The following ZEB2 variants were observed in gnomAD, a reference collection of about 807,000 sequenced individuals.
ZEB2 encodes the protein zinc finger E-box-binding homeobox 2.
ZEB2 carries 6 observed loss-of-function variants against 99.9 expected under a neutral mutation model. The observed-to-expected ratio is 0.06, with a 90% confidence interval of 0.03 to 0.12. The LOEUF (loss-of-function observed/expected upper bound fraction) is 0.12. ZEB2 is among the 10% of genes least tolerant of loss of function. The probability of loss-of-function intolerance (pLI) is 1.00; values close to 1 mark genes in which losing one functional copy is unlikely to be tolerated. For synonymous variants in ZEB2, 517 were observed against 542.5 expected, an observed-to-expected ratio of 0.95 and a Z score of 0.65; for missense variants, 969 against 1,502.8, an observed-to-expected ratio of 0.64 and a Z score of 5.87.
chr2:144,478,383 C>T (rs1704460451), intron 2 of ZEB2, among the ~76,000 whole-genome samples: 2 of 152,150 alleles, frequency 1.3e-5, no homozygotes, highest in Non-Finnish European at 2.9e-5. Context: ...ACTTCGTACC[C>T]ACTGTGAAAT....
chr2:144,440,666 A>C (rs965506247), intron 2 of ZEB2, among the ~76,000 whole-genome samples: 1 of 151,612 alleles, frequency 6.6e-6, no homozygotes, highest in Admixed American at 6.6e-5. Context: ...CAAATTTTCT[A>C]CTTTAGTACA....
At chr2:144,451,143 A>G (rs1469315011) in intron 2 of ZEB2, among the ~76,000 whole-genome samples, 1 of 152,250 alleles carries the variant, frequency 6.6e-6, no homozygotes, top group Non-Finnish European at 1.5e-5. Flanking sequence ...TAAATTTATT[A>G]CTACACATGA....
chr2:144,471,505 C>A (rs917088543), intron 2 of ZEB2, among the ~76,000 whole-genome samples: 1 of 151,822 alleles, frequency 6.6e-6, no homozygotes, highest in Admixed American at 6.6e-5. Flanking sequence ...CATGCACACT[C>A]TTCTCTCTCT....
chr2:144,461,111 T>TTTTTA (rs397828994), intron 2 of ZEB2: 1 of 150,844 alleles, frequency 6.6e-6, no homozygotes, highest in Non-Finnish European at 1.5e-5. Flanking sequence ...TTTTTTTTTT[T>TTTTTA]ATCACACTCC....
intron 2 of ZEB2, among the ~76,000 whole-genome samples, chr2:144,475,482 A>G (rs1704417359): frequency 6.6e-6 from 1 of 152,248 alleles, no homozygotes; most frequent in Non-Finnish European, 1.5e-5. Context: ...ATATACATAT[A>G]CATATGTGCG....
chr2:144,405,142 T>C (rs1251894505), intron 4 of ZEB2, 118 bp from the exon 5 acceptor site: 3 of 1,103,968 alleles, frequency 2.7e-6, no homozygotes, highest in Admixed American at 2.0e-5. Flanking sequence ...AAACCTAGTT[T>C]ATTTGTAAGA....
rs1060503991 is a variant in ZEB2, at chr2:144,399,872, A to C, written c.1315T>G (p.Leu439Val). 1.2e-6 allele frequency: 2 copies of C among 1,614,196 alleles called. No homozygotes were observed. Among genetic ancestry groups the C allele is most frequent in the Non-Finnish European group, 1.7e-6 (2 of 1,180,024 alleles). Residue 439 changes from leucine to valine, a missense_variant, in exon 8 of 10, where the codon TTA becomes GTA. By Grantham distance (32) the Leu-to-Val change is conservative (BLOSUM62 1). Around this residue, in one of 8 missense-constraint regions of ZEB2, gnomAD observed 227 missense variants for 278.2 expected, o/e 0.82. Coordinates refer to ENST00000627532, the MANE Select transcript of ZEB2 (RefSeq NM_014795.4). The surrounding 1 kb of genome is among the most constrained non-coding windows in gnomAD (Gnocchi z 5.6). Reference protein sequence around the residue: ...HPSAQSPMQHLGVGMEAPLLG... With the variant: ...HPSAQSPMQHVGVGMEAPLLG... ...AAAGGGGCTTCCATCCCTACACCTAAGTGCTGCATTGGACTCTGAGCAGAT... is the reference window on the plus strand; with the variant it reads ...AAAGGGGCTTCCATCCCTACACCTACGTGCTGCATTGGACTCTGAGCAGAT...
At chr2:144,461,897 A>C in intron 2 of ZEB2, 1 of 152,184 alleles carries the variant, frequency 6.6e-6, no homozygotes, top group East Asian at 1.9e-4. Context: ...TTAGGCCTGA[A>C]ATATGCAGCA....
At chr2:144,474,587 T>C (rs1704405616) in intron 2 of ZEB2, among the ~76,000 whole-genome samples, 1 of 152,172 alleles carries the variant, frequency 6.6e-6, no homozygotes, top group South Asian at 2.1e-4. Flanking sequence ...TTGTAATCAT[T>C]GATTATAACT....
intron 2 of ZEB2, 84 bp downstream of exon 2, chr2:144,517,194 G>T: frequency 6.3e-7 from 1 of 1,581,484 alleles, no homozygotes; most frequent in Non-Finnish European, 8.7e-7. Context: ...CGCCGCCTCG[G>T]TTCCTTTTCC....
intron 2 of ZEB2, among the ~76,000 whole-genome samples, chr2:144,440,045 T>C (rs1326548177): frequency 6.6e-6 from 1 of 152,216 alleles, no homozygotes; most frequent in African/African-American, 2.4e-5. Flanking sequence ...CTAAATGTTT[T>C]TAAAGGTACA....
At position 144,385,179 on chromosome 2, in the gene ZEB2, G is replaced by A. The variant is rs938268304; in HGVS notation, c.*4272C>T. ...GGACCAGTGTCCCTTGATGTAAGGT[G>A]TCTAGAAAGAACTCTTCTGCTCTTG... On this transcript the variant is annotated 3_prime_UTR_variant, in exon 10 of 10. Coordinates refer to ENST00000627532, the MANE Select transcript of ZEB2 (RefSeq NM_014795.4). 3 of 151,898 alleles carry A rather than the reference G, an allele frequency of 2.0e-5. No homozygotes were observed. The highest frequency in any genetic ancestry group is 7.3e-5 in the African/African-American group (3 of 41,212). The allele number at this position is 151,898 out of a possible 1,614,324, so 9.4% of individuals were successfully genotyped here.
rs1703744839 is a variant in ZEB2 at position 144,429,848 on chromosome 2, C to A, written c.252G>T (p.Glu84Asp). The change falls in exon 3 of 10, where the codon GAG becomes GAT. Residue 84 changes from glutamate to aspartate, a missense_variant. By Grantham distance (45) the Glu-to-Asp change is conservative (BLOSUM62 2). This residue lies in a region of ZEB2 where 173 missense variants were observed against 217.7 expected (regional missense o/e 0.79). Transcript: ENST00000627532. ...CTCCACCCTCCCTTATTTCATCTTC[C>A]TCTTCCTCTCTTGGCAACAGAGCTT... is the stretch of plus-strand genomic sequence containing the variant. ...VSQALLPREE[E>D]EDEIREGGVE... 1.2e-6 allele frequency: 2 copies of A among 1,613,642 alleles called. 1 individual carries two copies. Among genetic ancestry groups the A allele is most frequent in the South Asian group, 2.2e-5 (2 of 91,044 alleles).
At chr2:144,395,213 G>A (rs1486374866) in intron 9 of ZEB2, among the ~76,000 whole-genome samples, 1 of 151,760 alleles carries the variant, frequency 6.6e-6, no homozygotes, top group East Asian at 1.9e-4. Context: ...TGTGCAGGCT[G>A]GTCTCAAACT....
chr2:144,506,575 C>T (rs895436694), intron 2 of ZEB2, among the ~76,000 whole-genome samples: 2 of 152,098 alleles, frequency 1.3e-5, no homozygotes, highest in African/African-American at 4.8e-5. Flanking sequence ...TTGCAATTTC[C>T]TTGATTACAG....
intron 2 of ZEB2, among the ~76,000 whole-genome samples, chr2:144,507,009 T>C (rs905802264): frequency 5.9e-5 from 9 of 152,226 alleles, no homozygotes; most frequent in Non-Finnish European, 1.2e-4. Context: ...CCTGAGATTA[T>C]TTTTAAATGT....
At chr2:144,440,615 T>C (rs2149895691) in intron 2 of ZEB2, among the ~76,000 whole-genome samples, 1 of 151,276 alleles carries the variant, frequency 6.6e-6, no homozygotes, top group South Asian at 2.1e-4. Context: ...ATCCCATTTT[T>C]TGGCCAGAAC....
At chr2:144,473,113 A>G (rs1204701060) in intron 2 of ZEB2, among the ~76,000 whole-genome samples, 1 of 152,214 alleles carries the variant, frequency 6.6e-6, no homozygotes, top group Non-Finnish European at 1.5e-5. Flanking sequence ...CTAAGACCAC[A>G]ACTATGAGAA....
intron 3 of ZEB2, chr2:144,428,114 G>C (rs1158012037): frequency 6.6e-6 from 1 of 152,110 alleles, no homozygotes; most frequent in Admixed American, 6.5e-5. Context: ...ATTCTTCTAA[G>C]GGTGGAAATT....
Sources: allele counts gnomAD v4.1 joint callset (sites outside exome capture counted in the v4.1 genomes callset), GRCh38; gene constraint gnomAD v4.1.1; regional missense constraint gnomAD v4.1.1; non-coding constraint Gnocchi (gnomAD v3.1); transcripts MANE v1.5; gene names NCBI Gene and HGNC (gene_info 2026-07-23, HGNC 2026-07-21).